The following PCDHB12 variants were observed in gnomAD, a reference collection of about 807,000 sequenced individuals.
The protein encoded by PCDHB12 is protocadherin beta 12, also known as protocadherin beta-12.
For synonymous variants in PCDHB12, 560 were observed against 445.2 expected (o/e 1.26, Z -3.24); for missense variants, 1,192 against 998.2 (o/e 1.19, Z -2.62).
Position 141,208,850 on chromosome 5 carries a change from T to C in PCDHB12, c.-58T>C. The C allele has an allele frequency of 6.9e-7, 1 of 1,457,278 alleles. No individual in the cohort carries two copies. Among genetic ancestry groups the C allele is most frequent in the Non-Finnish European group, 9.2e-7 (1 of 1,086,164 alleles). The allele number at this position is 1,457,278 out of a possible 1,614,324, so 90.3% of individuals were successfully genotyped here. On this transcript the variant is annotated 5_prime_UTR_variant, in exon 1 of 1. Transcript: ENST00000239450. ...AGATCAGAGGCACGTTTCCCACAAC[T>C]GCGAAGAGGCGCTGAGGCAATTCTG...
Position 141,210,248 on chromosome 5 carries a change from C to A in PCDHB12, c.1341C>A (p.Asn447Lys). ...ITVLVSDVND[N>K]APAFTQTSYA... ...TGCTGGTCTCCGACGTCAATGACAA[C>A]GCCCCCGCCTTCACCCAAACTTCCT... is the stretch of plus-strand genomic sequence containing the variant. Residue 447 changes from asparagine (N) to lysine (K), a missense_variant, in exon 1 of 1, where the codon AAC (asparagine) becomes AAA (lysine). Physicochemically the swap from Asn to Lys is moderately conservative, Grantham distance 94. Transcript: ENST00000239450. 2 of 1,614,182 alleles carry A rather than the reference C, an allele frequency of 1.2e-6. No homozygotes were observed. The highest frequency in any genetic ancestry group is 1.7e-6 in the Non-Finnish European group (2 of 1,180,048).
rs535975195 is a variant in PCDHB12, at chr5:141,208,764, G to A, written c.-144G>A. 1,846 of 625,236 alleles carry A rather than the reference G, an allele frequency of 3.0e-3. 8 individuals carry two copies. The highest frequency in any genetic ancestry group is 4.0e-3 in the Non-Finnish European group (1,535 of 381,292). The allele number at this position is 625,236 out of a possible 1,614,324, so 38.7% of individuals were successfully genotyped here. ...AAGACAGAAAGAACAATCCTTTAAG[G>A]GAGAACCTAGAAGCCATTCAACAAG... is the stretch of plus-strand genomic sequence containing the variant. On this transcript the variant is annotated 5_prime_UTR_variant, in exon 1 of 1. Transcript: ENST00000239450.
chr5:141,210,740 G>T lies in PCDHB12; in HGVS notation c.1833G>T (p.Glu611Asp), dbSNP rs782187005. The change falls in exon 1 of 1, where the codon GAG (glutamate) becomes GAT (aspartate). Residue 611 changes from glutamate to aspartate, a missense_variant. Coordinates refer to ENST00000239450, the MANE Select transcript of PCDHB12 (RefSeq NM_018932.4). ...CGTACCAGCTGCTCAAGGCCACGGA[G>T]CCCGGGCTATTCGGCGTGTGGGCGC... ...WLSYQLLKAT[E>D]PGLFGVWAHN... 12 of 1,605,574 alleles carry T rather than the reference G, an allele frequency of 7.5e-6. No individual in the cohort carries two copies. The highest frequency in any genetic ancestry group is 5.9e-6 in the Non-Finnish European group (7 of 1,178,908).
At position 141,211,221 on chromosome 5, in the gene PCDHB12, C is replaced by T. The variant is rs782683103; in HGVS notation, c.2314C>T (p.Pro772Ser). ...NKFKFLKPII[P>S]NFLPQSTGSE... Reference sequence around the variant, plus strand: ...GTTCAAATTTCTGAAACCAATTATCCCCAACTTCCTACCCCAGAGCACAGG... The same window carrying T: ...GTTCAAATTTCTGAAACCAATTATCTCCAACTTCCTACCCCAGAGCACAGG... The change falls in exon 1 of 1, where the codon CCC (proline) becomes TCC (serine). Residue 772 changes from proline (P) to serine (S), a missense_variant. By Grantham distance (74) the Pro-to-Ser change is moderately conservative. Transcript: ENST00000239450. 1.5e-5 allele frequency: 24 copies of T among 1,613,892 alleles called. No individual in the cohort carries two copies. The African/African-American group carries it at 2.7e-4, about 18-fold the overall frequency.
At position 141,209,030 on chromosome 5, in the gene PCDHB12, C is replaced by A; in HGVS notation, c.123C>A (p.Ser41Arg). ...TTTTGGTGATGGAGGAATTGCAGAG[C>A]GGGAGCTTTGTAGGAAATTTGGCAA... ...GNFLVMEELQ[S>R]GSFVGNLAKT... is the part of the protein sequence containing the mutation. The change falls in exon 1 of 1, where the codon AGC (serine) becomes AGA (arginine). Residue 41 changes from serine (S) to arginine (R), a missense_variant. Coordinates refer to ENST00000239450, the MANE Select transcript of PCDHB12 (RefSeq NM_018932.4). 6.2e-7 allele frequency: 1 copy of A among 1,610,988 alleles called. No individual in the cohort carries two copies. Among genetic ancestry groups the A allele is most frequent in the Non-Finnish European group, 8.5e-7 (1 of 1,178,562 alleles).
At position 141,210,249 on chromosome 5, in the gene PCDHB12, G is replaced by A. The variant is rs782300851; in HGVS notation, c.1342G>A (p.Ala448Thr). The change falls in exon 1 of 1, where the codon GCC (alanine) becomes ACC (threonine). Residue 448 changes from alanine (A) to threonine (T), a missense_variant. Transcript: ENST00000239450. ...GCTGGTCTCCGACGTCAATGACAAC[G>A]CCCCCGCCTTCACCCAAACTTCCTA... Reference protein sequence around the residue: ...TVLVSDVNDNAPAFTQTSYAL... With the variant: ...TVLVSDVNDNTPAFTQTSYAL... 6.2e-6 allele frequency: 10 copies of A among 1,614,024 alleles called. No homozygotes were observed. Among genetic ancestry groups the A allele is most frequent in the South Asian group, 1.1e-5 (1 of 91,062 alleles).
rs1754367229 is a variant in PCDHB12, at chr5:141,209,122, A to C, written c.215A>C (p.Lys72Thr). The C allele has an allele frequency of 6.2e-7, 1 of 1,614,064 alleles. No homozygotes were observed. The highest frequency in any genetic ancestry group is 1.3e-5 in the African/African-American group (1 of 74,914). Reference sequence around the variant, plus strand: ...GCTCGGGTGGTTTCTAATGATAACAAAGAGTGTTTGCAGCTGGACACAAAC... The same window carrying C: ...GCTCGGGTGGTTTCTAATGATAACACAGAGTGTTTGCAGCTGGACACAAAC... Reference protein sequence around the residue: ...RGARVVSNDNKECLQLDTNTG... With the variant: ...RGARVVSNDNTECLQLDTNTG... Residue 72 changes from lysine (K) to threonine (T), a missense_variant, in exon 1 of 1, where the codon AAA (lysine) becomes ACA (threonine). Coordinates refer to ENST00000239450, the MANE Select transcript of PCDHB12 (RefSeq NM_018932.4).
chr5:141,210,673 TG>T lies in PCDHB12; in HGVS notation c.1768del (p.Val590TrpfsTer41), dbSNP rs1554287018. 1 of 1,610,654 alleles carries T rather than the reference TG, an allele frequency of 6.2e-7. No homozygotes were observed. ...GAGCCGGGCTACCTGGTGACCAAGGTGGTGGCGGTGGACGGTGACTCGGGCC... is the reference window on the plus strand; with the variant it reads ...GAGCCGGGCTACCTGGTGACCAAGGTGTGGCGGTGGACGGTGACTCGGGCC... ...AAEPGYLVTK[V>X]VAVDGDSGQN... is the part of the protein sequence containing the mutation. On this transcript the variant is annotated frameshift_variant, in exon 1 of 1. Transcript: ENST00000239450. LOFTEE classifies it low-confidence loss of function (END_TRUNC).
rs879952173 is a variant in PCDHB12, at chr5:141,211,760, G to A, written c.*465G>A. Reference sequence around the variant, plus strand: ...ATCTCAGAAGAAACATATGTGACATGGTATTTTAGTAATGACCAAATAGAC... The same window carrying A: ...ATCTCAGAAGAAACATATGTGACATAGTATTTTAGTAATGACCAAATAGAC... On this transcript the variant is annotated 3_prime_UTR_variant, in exon 1 of 1. Transcript: ENST00000239450. 7.7e-5 allele frequency: 16 copies of A among 206,892 alleles called. No homozygotes were observed. In the South Asian group the frequency reaches 1.4e-3, roughly 18 times the overall value. 12.8% of individuals were successfully genotyped at this position (206,892 alleles called of 1,614,324 possible).
chr5:141,209,831 T>C lies in PCDHB12; in HGVS notation c.924T>C (p.Asp308=), dbSNP rs1554286756. 2 of 1,614,124 alleles carry C rather than the reference T, an allele frequency of 1.2e-6. No individual in the cohort carries two copies. Among genetic ancestry groups the C allele is most frequent in the East Asian group, 4.5e-5 (2 of 44,898 alleles). The change falls in exon 1 of 1, where the codon GAT becomes GAC. Residue 308 remains aspartate (D), a synonymous_variant. Coordinates refer to ENST00000239450, the MANE Select transcript of PCDHB12 (RefSeq NM_018932.4). ...ACATTACTTTAACAGCACCTTTGGA[T>C]TTTGAAGCAATTGAGTCATACTCAA... ...SGDITLTAPL[D]FEAIESYSII...
Position 141,211,284 on chromosome 5 carries a change from T to C in PCDHB12, c.2377T>C (p.Leu793=), listed in dbSNP as rs576927079. The change falls in exon 1 of 1, where the codon TTG becomes CTG. Residue 793 remains leucine (L), a synonymous_variant. Transcript: ENST00000239450. ...VEENPPFQNN[L]GF ...AGAAAATCCCCCATTTCAGAATAAT[T>C]TGGGTTTCTGATAAAGAATGAAAAA... is the stretch of plus-strand genomic sequence containing the variant. The C allele has an allele frequency of 6.9e-6, 11 of 1,586,214 alleles. No homozygotes were observed. In the Admixed American group the frequency reaches 1.5e-4, roughly 21 times the overall value.
At position 141,209,989 on chromosome 5, in the gene PCDHB12, C is replaced by T; in HGVS notation, c.1082C>T (p.Pro361Leu). ...ACCAGTCCAATCCCAGAAAACACTC[C>T]AGAGACTGTGGTTATGGTTTTCAGG... ...SITSPIPENT[P>L]ETVVMVFRIR... The change falls in exon 1 of 1, where the codon CCA becomes CTA. Residue 361 changes from proline to leucine, a missense_variant. Coordinates refer to ENST00000239450, the MANE Select transcript of PCDHB12 (RefSeq NM_018932.4). The T allele has an allele frequency of 6.2e-7, 1 of 1,614,172 alleles. No homozygotes were observed. The highest frequency in any genetic ancestry group is 8.5e-7 in the Non-Finnish European group (1 of 1,180,044).
rs1423919931 is a variant in PCDHB12, at chr5:141,211,050, A to G, written c.2143A>G (p.Arg715Gly). The change falls in exon 1 of 1, where the codon AGG becomes GGG. Residue 715 changes from arginine (R) to glycine (G), a missense_variant. Physicochemically the swap from Arg to Gly is moderately radical, Grantham distance 125. Transcript: ENST00000239450. The stretch of plus-strand genomic sequence containing the variant: ...CCTGTTCGTGGCGGTGCGGCTGTGC[A>G]GGAGGAGCAGGGCGGCCCCGGTCGG... Reference protein sequence around the residue: ...VLLFVAVRLCRRSRAAPVGRC... With the variant: ...VLLFVAVRLCGRSRAAPVGRC... 2.5e-6 allele frequency: 4 copies of G among 1,612,948 alleles called. No homozygotes were observed. Among genetic ancestry groups the G allele is most frequent in the East Asian group, 2.2e-5 (1 of 44,866 alleles).
Position 141,209,670 on chromosome 5 carries a change from A to C in PCDHB12, c.763A>C (p.Ser255Arg). The change falls in exon 1 of 1, where the codon AGC becomes CGC. Residue 255 changes from serine (S) to arginine (R), a missense_variant. Transcript: ENST00000239450. ...AFYEVKILENSILGSLVVTVS... is the reference protein window; with the variant it reads ...AFYEVKILENRILGSLVVTVS... ...TTATGAGGTGAAGATTCTGGAGAAT[A>C]GCATCCTTGGCTCCCTGGTTGTGAC... is the stretch of plus-strand genomic sequence containing the variant. The C allele has an allele frequency of 6.2e-7, 1 of 1,614,222 alleles. No individual in the cohort carries two copies. Among genetic ancestry groups the C allele is most frequent in the Non-Finnish European group, 8.5e-7 (1 of 1,180,042 alleles).
chr5:141,208,851 G>A lies in PCDHB12; in HGVS notation c.-57G>A. Reference sequence around the variant, plus strand: ...GATCAGAGGCACGTTTCCCACAACTGCGAAGAGGCGCTGAGGCAATTCTGC... The same window carrying A: ...GATCAGAGGCACGTTTCCCACAACTACGAAGAGGCGCTGAGGCAATTCTGC... On this transcript the variant is annotated 5_prime_UTR_variant, in exon 1 of 1. Transcript: ENST00000239450. 3 of 1,460,042 alleles carry A rather than the reference G, an allele frequency of 2.1e-6. No homozygotes were observed. The South Asian group carries it at 4.3e-5, about 21-fold the overall frequency. The allele number at this position is 1,460,042 out of a possible 1,614,324, so 90.4% of individuals were successfully genotyped here. A position where few individuals can be genotyped will look rare whatever the true frequency, so the allele number is the denominator to read the frequency against.
Position 141,211,565 on chromosome 5 carries a change from C to T in PCDHB12, c.*270C>T, listed in dbSNP as rs1754463254. The T allele has an allele frequency of 2.1e-6, 1 of 471,196 alleles. No homozygotes were observed. The highest frequency in any genetic ancestry group is 3.9e-6 in the Non-Finnish European group (1 of 256,844). 29.2% of individuals were successfully genotyped at this position (471,196 alleles called of 1,614,324 possible). ...GTCTTGTTTGAGATATTTTAAATTG[C>T]TTTCCATTGTTTTCAATATTTACTG... On this transcript the variant is annotated 3_prime_UTR_variant, in exon 1 of 1. Transcript: ENST00000239450.
chr5:141,211,208 G>C lies in PCDHB12; in HGVS notation c.2301G>C (p.Leu767=). ...GGSRSNKFKF[L]KPIIPNFLPQ... is the part of the protein sequence containing the mutation. ...CCAGGTCAAATAAGTTCAAATTTCT[G>C]AAACCAATTATCCCCAACTTCCTAC... The change falls in exon 1 of 1, where the codon CTG becomes CTC. Residue 767 remains leucine (L), a synonymous_variant. Transcript: ENST00000239450. 1 of 1,614,116 alleles carries C rather than the reference G, an allele frequency of 6.2e-7. No individual in the cohort carries two copies. The highest frequency in any genetic ancestry group is 2.2e-5 in the East Asian group (1 of 44,878).
rs782495960 is a variant in PCDHB12, at chr5:141,209,778, A to T, written c.871A>T (p.Thr291Ser). The T allele has an allele frequency of 3.7e-5, 60 of 1,614,096 alleles. No homozygotes were observed. The highest frequency in any genetic ancestry group is 3.5e-5 in the Non-Finnish European group (41 of 1,180,052). The change falls in exon 1 of 1, where the codon ACA becomes TCA. Residue 291 changes from threonine to serine, a missense_variant. Transcript: ENST00000239450. ...FSHASEDIRK[T>S]FEINQKSGDI... ...CCATGCCTCAGAAGATATTCGCAAGACATTTGAAATTAATCAAAAGTCTGG... is the reference window on the plus strand; with the variant it reads ...CCATGCCTCAGAAGATATTCGCAAGTCATTTGAAATTAATCAAAAGTCTGG...
At position 141,210,604 on chromosome 5, in the gene PCDHB12, A is replaced by T. The variant is rs781996226; in HGVS notation, c.1697A>T (p.Gln566Leu). The T allele has an allele frequency of 1.9e-6, 3 of 1,611,358 alleles. No individual in the cohort carries two copies. In the Admixed American group the frequency reaches 5.0e-5, roughly 27 times the overall value. Residue 566 changes from glutamine (Q) to leucine (L), a missense_variant, in exon 1 of 1, where the codon CAG becomes CTG. Transcript: ENST00000239450. ...TCGCCCTTCGTGCTGTACCCGCTGC[A>T]GAACGGCTCCGCGCCCTGCACCGAG... ...DNSPFVLYPL[Q>L]NGSAPCTELV...
Sources: allele counts gnomAD v4.1 joint callset, GRCh38; gene constraint gnomAD v4.1.1; transcripts MANE v1.5; gene names NCBI Gene and HGNC (gene_info 2026-07-23, HGNC 2026-07-21).